Variants in MAP3K5 observed in about 807,000 individuals in gnomAD.
MAP3K5 encodes ASK-1.
MAP3K5 carries 56 observed loss-of-function variants against 158.7 expected under a neutral mutation model. The observed-to-expected ratio is 0.35, with a 90% confidence interval of 0.28 to 0.44. The LOEUF is 0.44. Ranked by LOEUF, MAP3K5 falls within the 20% of genes least tolerant of loss-of-function variation. The probability of loss-of-function intolerance (pLI) is 1.00; values close to 1 mark genes in which losing one functional copy is unlikely to be tolerated. For missense variants in MAP3K5, 1,294 were observed against 1,674.8 expected (o/e 0.77, Z 3.97); for synonymous variants, 579 against 601.7 (o/e 0.96, Z 0.55).
chr6:136,637,958 G>A (rs1006336834), intron 13 of MAP3K5, among the ~76,000 whole-genome samples: 1 of 152,102 alleles, frequency 6.6e-6, no homozygotes, highest in African/African-American at 2.4e-5. Flanking sequence ...CTCACTGAGT[G>A]TCTACTAGGA....
chr6:136,570,058 G>C (rs1774296186), intron 25 of MAP3K5, among the ~76,000 whole-genome samples: 1 of 152,032 alleles, frequency 6.6e-6, no homozygotes, highest in Admixed American at 6.6e-5. Context: ...GTTTTACCTA[G>C]ATTTTGCTAT....
chr6:136,690,818 T>A (rs1780352074), intron 7 of MAP3K5, among the ~76,000 whole-genome samples: 1 of 152,180 alleles, frequency 6.6e-6, no homozygotes, highest in Admixed American at 6.5e-5. Context: ...CTTTTTCCTA[T>A]AGATCCATTT....
chr6:136,680,070 A>ACT (rs1392050841), intron 7 of MAP3K5, among the ~76,000 whole-genome samples: 1 of 152,034 alleles, frequency 6.6e-6, no homozygotes, highest in Non-Finnish European at 1.5e-5. Flanking sequence ...ACACACACAC[A>ACT]CAAAACCCAA....
At chr6:136,639,473 G>A in intron 13 of MAP3K5, 70 bp downstream of exon 13, 1 of 780,876 alleles carries the variant, frequency 1.3e-6, no homozygotes, top group Non-Finnish European at 2.1e-6. Context: ...GGAGGTACAT[G>A]TTCACTCATT....
chr6:136,640,997 C>T (rs549200879), intron 12 of MAP3K5, among the ~76,000 whole-genome samples: 2 of 152,126 alleles, frequency 1.3e-5, no homozygotes, highest in African/African-American at 2.4e-5. Context: ...GGCTACCATA[C>T]CTAATTAAAG....
Position 136,580,343 on chromosome 6 carries a change from T to C in MAP3K5, c.3475A>G (p.Ile1159Val). Residue 1159 changes from isoleucine (I) to valine (V), a missense_variant, in exon 25 of 30, where the codon ATT becomes GTT. This residue lies in a region of MAP3K5 where 362 missense variants were observed against 463.2 expected (regional missense o/e 0.78). Coordinates refer to ENST00000359015, the MANE Select transcript of MAP3K5 (RefSeq NM_005923.4). ...PHWMFALDSI[I>V]RKAVQTAITI... ...ATGGCTGTCTGTACCGCCTTCCGAATGATACTGTCTAAGGCAAACATCCAG... is the reference window on the plus strand; with the variant it reads ...ATGGCTGTCTGTACCGCCTTCCGAACGATACTGTCTAAGGCAAACATCCAG... The C allele has an allele frequency of 6.2e-7, 1 of 1,613,864 alleles. No individual in the cohort carries two copies. The highest frequency in any genetic ancestry group is 8.5e-7 in the Non-Finnish European group (1 of 1,179,740).
chr6:136,689,004 A>G (rs1161684340), intron 7 of MAP3K5, among the ~76,000 whole-genome samples: 1 of 152,208 alleles, frequency 6.6e-6, no homozygotes, highest in East Asian at 1.9e-4. Context: ...CAGAAAAAAA[A>G]AAAACTTGGT....
chr6:136,651,178 G>T, intron 10 of MAP3K5, 87 bp from the exon 11 acceptor site: 1 of 628,076 alleles, frequency 1.6e-6, no homozygotes. Context: ...CACCAACGTA[G>T]AGGATTATTG....
chr6:136,606,465 C>T (rs1226313417), intron 18 of MAP3K5, among the ~76,000 whole-genome samples: 2 of 152,130 alleles, frequency 1.3e-5, no homozygotes, highest in Admixed American at 6.5e-5. Context: ...GAGGGGGCCA[C>T]GAGCCCTTAG....
chr6:136,770,089 A>G (rs1188330252), intron 1 of MAP3K5, among the ~76,000 whole-genome samples: 1 of 152,154 alleles, frequency 6.6e-6, no homozygotes, highest in African/African-American at 2.4e-5. Flanking sequence ...AATAGGTTTC[A>G]AAATATTTGG....
intron 1 of MAP3K5, among the ~76,000 whole-genome samples, chr6:136,760,988 C>CA (rs1783725941): frequency 6.6e-6 from 1 of 151,946 alleles, no homozygotes; most frequent in African/African-American, 2.4e-5. Flanking sequence ...CGAAACAAAA[C>CA]AAAAAACCAG....
At chr6:136,652,333 G>C (rs1027649781) in intron 10 of MAP3K5, among the ~76,000 whole-genome samples, 1 of 152,144 alleles carries the variant, frequency 6.6e-6, no homozygotes, top group African/African-American at 2.4e-5. Flanking sequence ...AGAATTCTCA[G>C]TCAGTCTCTA....
intron 15 of MAP3K5, 117 bp from the exon 16 acceptor site, chr6:136,614,403 A>C: frequency 8.8e-7 from 1 of 1,139,740 alleles, no homozygotes; most frequent in South Asian, 1.5e-5. Context: ...AAACCAAAAC[A>C]ACCACTTAAG....
At chr6:136,580,176 A>G in intron 25 of MAP3K5, 125 bp downstream of exon 25, 1 of 645,100 alleles carries the variant, frequency 1.6e-6, no homozygotes, top group Non-Finnish European at 2.7e-6. Context: ...TGATGTTGAA[A>G]ATATTTCTTT....
intron 8 of MAP3K5, among the ~76,000 whole-genome samples, chr6:136,665,670 G>A (rs552546796): frequency 5.8e-4 from 89 of 152,172 alleles, no homozygotes; most frequent in African/African-American, 1.9e-3. Context: ...TTTCATCAAC[G>A]GGATGAACTA....
At chr6:136,778,144 CT>C (rs1461934693) in intron 1 of MAP3K5, among the ~76,000 whole-genome samples, 1 of 152,106 alleles carries the variant, frequency 6.6e-6, no homozygotes, top group East Asian at 1.9e-4. Flanking sequence ...TAATACCCCT[CT>C]TGGAAGTAAA....
intron 23 of MAP3K5, among the ~76,000 whole-genome samples, chr6:136,585,469 T>TTTTCTTTC (rs35799129): frequency 0.014 from 1,790 of 131,480 alleles, 68 homozygotes; most frequent in African/African-American, 0.044. Context: ...CTTTCTTTTC[T>TTTTCTTTC]TTTCTTTATT....
At chr6:136,650,426 A>C (rs1157908773) in intron 11 of MAP3K5, among the ~76,000 whole-genome samples, 4 of 152,226 alleles carry the variant, frequency 2.6e-5, no homozygotes, top group Non-Finnish European at 5.9e-5. Flanking sequence ...TATCCACATG[A>C]CTGCTATGAG....
At chr6:136,614,506 T>C (rs1463664937) in intron 15 of MAP3K5, among the ~76,000 whole-genome samples, 1 of 152,176 alleles carries the variant, frequency 6.6e-6, no homozygotes, top group African/African-American at 2.4e-5. Context: ...TTGTATACAT[T>C]AATTCATTTC....
Sources: gnomAD v4.1 joint callset for allele counts (sites outside exome capture counted in the v4.1 genomes callset) on GRCh38, gnomAD v4.1.1 for gene constraint, gnomAD v4.1.1 regional missense constraint, MANE v1.5 for transcripts, NCBI Gene and HGNC (gene_info 2026-07-23, HGNC 2026-07-21) for gene names.